Variants in EYA2 observed in about 807,000 individuals in gnomAD.
EYA2 encodes the protein EYA transcriptional coactivator and phosphatase 2, also known as protein phosphatase EYA2.
Under a neutral mutation model 69.2 loss-of-function variants are expected in EYA2, and 31 were observed. The ratio of observed to expected loss-of-function variants is 0.45; its 90% CI spans 0.34 to 0.60. EYA2 has a LOEUF of 0.60. Among genes scored for constraint, EYA2 ranks in the 20% least tolerant of loss-of-function variants. The pLI, the probability that EYA2 is intolerant of heterozygous loss-of-function variation, is 0.02. For synonymous variants in EYA2, 257 were observed against 279.4 expected (o/e 0.92, Z 0.80); for missense variants, 622 against 701.2 (o/e 0.89, Z 1.28).
At chr20:47,157,717 A>G (rs2033983480) in intron 10 of EYA2, among the ~76,000 whole-genome samples, 1 of 151,984 alleles carries the variant, frequency 6.6e-6, no homozygotes, top group African/African-American at 2.4e-5. Context: ...GCCCAAGTGG[A>G]AATAAAAATA....
intron 9 of EYA2, among the ~76,000 whole-genome samples, chr20:47,134,587 CACAA>C (rs1417875551): frequency 6.9e-6 from 1 of 145,342 alleles, no homozygotes; most frequent in Non-Finnish European, 1.5e-5. Flanking sequence ...CACACACACA[CACAA>C]ACACACACAC....
At chr20:47,134,315 A>G (rs145655469) in intron 9 of EYA2, among the ~76,000 whole-genome samples, 71 of 152,310 alleles carry the variant, frequency 4.7e-4, no homozygotes, top group African/African-American at 1.4e-3. Context: ...CCAGAGGATT[A>G]TGGAGTCTGG....
chr20:46,984,875 A>G (rs941030419), intron 1 of EYA2, among the ~76,000 whole-genome samples: 1 of 152,220 alleles, frequency 6.6e-6, no homozygotes, highest in Non-Finnish European at 1.5e-5. Context: ...GCTGTTCACC[A>G]CCAGGGCAAT....
At chr20:47,119,003 G>A (rs1374286634) in intron 9 of EYA2, among the ~76,000 whole-genome samples, 1 of 152,158 alleles carries the variant, frequency 6.6e-6, no homozygotes, top group Non-Finnish European at 1.5e-5. Flanking sequence ...TTTGTCTTCT[G>A]TAAATATAGA....
At chr20:46,952,342 C>T (rs6124903) in intron 1 of EYA2, among the ~76,000 whole-genome samples, 26,245 of 151,958 alleles carry the variant, frequency 0.17, 5,596 homozygotes, top group African/African-American at 0.51. Context: ...AAGTCAGGGG[C>T]GGGATCAGAC....
chr20:47,092,560 A>C (rs1281622339), intron 8 of EYA2, among the ~76,000 whole-genome samples: 1 of 152,170 alleles, frequency 6.6e-6, no homozygotes, highest in Non-Finnish European at 1.5e-5. Context: ...CCCTCCCCAC[A>C]AGAAAATTAT....
At chr20:47,094,903 C>G (rs1028612208) in intron 8 of EYA2, among the ~76,000 whole-genome samples, 1 of 152,096 alleles carries the variant, frequency 6.6e-6, no homozygotes, top group Non-Finnish European at 1.5e-5. Context: ...CATGGTGCCA[C>G]ATGCCTGTAG....
intron 1 of EYA2, among the ~76,000 whole-genome samples, chr20:46,905,220 G>C (rs371018936): frequency 1.3e-5 from 2 of 152,116 alleles, no homozygotes; most frequent in South Asian, 4.1e-4. Flanking sequence ...TGATATACAT[G>C]TGTCCATTTA....
In EYA2 at chr20:46,987,964, C is replaced by CTCTCTCTCCCTATATA. The variant is rs1555809797; in HGVS notation, c.-10-2036_-10-2035insCTCTCTCCCTATATAT. Among the ~76,000 whole-genome samples the CTCTCTCTCCCTATATA allele has an allele frequency of 2.7e-4, 3 of 11,282 alleles. 1 individual carries two copies. Among genetic ancestry groups the CTCTCTCTCCCTATATA allele is most frequent in the African/African-American group, 5.5e-4 (2 of 3,640 alleles). 7.4% of individuals were successfully genotyped at this position (11,282 alleles called of 152,430 possible). Reference sequence around the variant, plus strand: ...TCTCTCTCTCTCTCTCTCTCTCTCTCTATATATATATATATATATATATAT... The same window carrying CTCTCTCTCCCTATATA: ...TCTCTCTCTCTCTCTCTCTCTCTCTCTCTCTCTCCCTATATATATATATATATATATATATATATAT... On this transcript the variant is annotated intron_variant, in intron 1 of 15. Transcript: ENST00000327619.
At chr20:47,031,747 G>A (rs6094562) in intron 5 of EYA2, among the ~76,000 whole-genome samples, 106,727 of 152,050 alleles carry the variant, frequency 0.7, 38,638 homozygotes, top group Non-Finnish European at 0.81. Context: ...CCCACAACCA[G>A]GGTCTGCACC....
At chr20:47,169,105 CT>C in intron 10 of EYA2, 33 bp from the exon 11 acceptor site, 1 of 1,380,620 alleles carries the variant, frequency 7.2e-7, no homozygotes, top group Non-Finnish European at 9.9e-7. Flanking sequence ...GGCATGTTCT[CT>C]CTCTCTCTCT....
At position 47,099,002 on chromosome 20, in the gene EYA2, C is replaced by T. The variant is rs114526272; in HGVS notation, c.888+1834C>T. On this transcript the variant is annotated intron_variant, in intron 9 of 15. Transcript: ENST00000327619. ...AAGATCCTGAGACAAAGAGTGAGTGCGAGTAATCTATCTGGGAGGTAATCC... is the reference window on the plus strand; with the variant it reads ...AAGATCCTGAGACAAAGAGTGAGTGTGAGTAATCTATCTGGGAGGTAATCC... Among the ~76,000 whole-genome samples, 464 of 152,252 alleles carry T rather than the reference C, an allele frequency of 3.0e-3. 2 individuals carry two copies. Among genetic ancestry groups the T allele is most frequent in the African/African-American group, 0.01 (435 of 41,558 alleles).
intron 7 of EYA2, among the ~76,000 whole-genome samples, chr20:47,077,293 C>T (rs1205779772): frequency 1.3e-5 from 2 of 152,222 alleles, no homozygotes; most frequent in African/African-American, 2.4e-5. Flanking sequence ...AACTAATGCA[C>T]CAGCCTGTGG....
At chr20:47,183,093 C>T (rs940789444) in intron 14 of EYA2, among the ~76,000 whole-genome samples, 198 bp from the exon 15 acceptor site, 2 of 152,168 alleles carry the variant, frequency 1.3e-5, no homozygotes, top group Non-Finnish European at 2.9e-5. Flanking sequence ...TACTGACCCT[C>T]GCTGTGTTTC....
chr20:47,167,425 G>T (rs2034223726), intron 10 of EYA2, among the ~76,000 whole-genome samples: 1 of 151,682 alleles, frequency 6.6e-6, no homozygotes, highest in African/African-American at 2.4e-5. Context: ...TGGGACCACA[G>T]ATGTGCACCA....
intron 5 of EYA2, among the ~76,000 whole-genome samples, chr20:47,057,165 G>GGAA (rs1173601949): frequency 7.1e-6 from 1 of 141,196 alleles, no homozygotes; most frequent in Non-Finnish European, 1.6e-5. Flanking sequence ...AAGGAAGGAA[G>GGAA]GAAGGAAGGA....
Position 47,043,277 on chromosome 20 carries a change from G to A in EYA2, c.415+26980G>A, listed in dbSNP as rs76789481. On this transcript the variant is annotated intron_variant, in intron 5 of 15. Transcript: ENST00000327619. ...GGGAATGAGAGTTCATCACAGTACA[G>A]ATGTATATTTAAGTAGGACAGGAGG... 7.2e-3 allele frequency among the ~76,000 whole-genome samples: 1,102 copies of A among 152,280 alleles called. 15 individuals are homozygous for A. The highest frequency in any genetic ancestry group is 0.025 in the African/African-American group (1,055 of 41,546).
chr20:46,908,964 A>G (rs1738833058), intron 1 of EYA2, among the ~76,000 whole-genome samples: 1 of 146,478 alleles, frequency 6.8e-6, no homozygotes, highest in African/African-American at 2.5e-5. Context: ...TCCAGGAAAA[A>G]GTAGGACTTG....
intron 1 of EYA2, among the ~76,000 whole-genome samples, chr20:46,972,852 A>G (rs1980222196): frequency 6.6e-6 from 1 of 152,224 alleles, no homozygotes; most frequent in Non-Finnish European, 1.5e-5. Context: ...GAATTTTGAC[A>G]GCAACTTTCA....
Sources: gnomAD v4.1 joint callset for allele counts (sites outside exome capture counted in the v4.1 genomes callset) on GRCh38, gnomAD v4.1.1 for gene constraint, MANE v1.5 for transcripts, NCBI Gene and HGNC (gene_info 2026-07-23, HGNC 2026-07-21) for gene names.